Variants in MSRA observed in about 807,000 individuals in gnomAD.
MSRA encodes methionine sulfoxide reductase A.
In MSRA, 54 loss-of-function variants were observed where a neutral mutation model predicts 31.3. The observed-to-expected ratio is 1.73, with a 90% confidence interval of 1.39 to 2.17. The LOEUF (loss-of-function observed/expected upper bound fraction) is 2.17. Among genes scored for constraint, MSRA ranks in the 30% most tolerant of loss-of-function variants. The pLI, the probability that MSRA is intolerant of heterozygous loss-of-function variation, is 0.00. For missense variants in MSRA, 507 were observed against 300.9 expected, an observed-to-expected ratio of 1.69 and a Z score of -5.07; for synonymous variants, 169 against 116.5, an observed-to-expected ratio of 1.45 and a Z score of -2.90.
chr8:10,202,376 C>G (rs1808575446), intron 1 of MSRA, among the ~76,000 whole-genome samples: 1 of 152,176 alleles, frequency 6.6e-6, no homozygotes, highest in Non-Finnish European at 1.5e-5. Flanking sequence ...CAGATTTCCC[C>G]TTATTCTTTT....
chr8:10,332,451 T>TCACCCC (rs1802761404), intron 5 of MSRA, among the ~76,000 whole-genome samples: 1 of 146,512 alleles, frequency 6.8e-6, no homozygotes, highest in African/African-American at 2.5e-5. Context: ...AAAAGAAAAA[T>TCACCCC]CCCCCCTCCC....
At chr8:10,126,986 A>G (rs1459082921) in intron 1 of MSRA, among the ~76,000 whole-genome samples, 1 of 152,204 alleles carries the variant, frequency 6.6e-6, no homozygotes, top group Non-Finnish European at 1.5e-5. Flanking sequence ...CTGGTTCCCA[A>G]CAGGCCACAG....
chr8:10,202,737 A>C (rs1234423766), intron 1 of MSRA, among the ~76,000 whole-genome samples: 1 of 152,176 alleles, frequency 6.6e-6, no homozygotes, highest in Non-Finnish European at 1.5e-5. Context: ...TACCAGCCTA[A>C]CTGTTATATA....
chr8:10,139,823 A>C (rs1423827141), intron 1 of MSRA, among the ~76,000 whole-genome samples: 1 of 152,204 alleles, frequency 6.6e-6, no homozygotes, highest in Non-Finnish European at 1.5e-5. Flanking sequence ...AGTGATTGGC[A>C]CAGGTGTTGC....
chr8:10,301,471 A>C, intron 3 of MSRA, 63 bp from the exon 4 acceptor site: 1 of 1,327,124 alleles, frequency 7.5e-7, no homozygotes, highest in South Asian at 1.2e-5. Context: ...TTTTGTGAAC[A>C]AAAAACTTGC....
chr8:10,124,555 A>G (rs910620224), intron 1 of MSRA, among the ~76,000 whole-genome samples: 8 of 152,252 alleles, frequency 5.3e-5, no homozygotes, highest in African/African-American at 9.6e-5. Context: ...TCTTGCTCCT[A>G]TGATTCTACT....
At chr8:10,140,695 A>G (rs1048810210) in intron 1 of MSRA, among the ~76,000 whole-genome samples, 1 of 152,060 alleles carries the variant, frequency 6.6e-6, no homozygotes, top group African/African-American at 2.4e-5. Flanking sequence ...AGAAGTTACC[A>G]GTGCACAGGA....
chr8:10,214,191 G>T (rs1305879711), intron 2 of MSRA, among the ~76,000 whole-genome samples: 1 of 152,138 alleles, frequency 6.6e-6, no homozygotes, highest in Non-Finnish European at 1.5e-5. Context: ...GACAGCTAAG[G>T]TGCCGAGTGT....
rs1809327620 is a variant in MSRA at position 10,428,323 on chromosome 8, C to A, written c.*11C>A. On this transcript the variant is annotated 3_prime_UTR_variant, in exon 6 of 6. Coordinates refer to ENST00000317173, the MANE Select transcript of MSRA (RefSeq NM_012331.5). ...GGTATTAAAAAATAATTTCTCCCCACATGGTGGGCCTTTGAGGTTCCAGTA... is the reference window on the plus strand; with the variant it reads ...GGTATTAAAAAATAATTTCTCCCCAAATGGTGGGCCTTTGAGGTTCCAGTA... The A allele has an allele frequency of 6.2e-7, 1 of 1,611,078 alleles. No homozygotes were observed. The highest frequency in any genetic ancestry group is 8.5e-7 in the Non-Finnish European group (1 of 1,179,352).
chr8:10,225,770 G>T (rs1300432058), intron 2 of MSRA, among the ~76,000 whole-genome samples: 1 of 152,220 alleles, frequency 6.6e-6, no homozygotes, highest in Non-Finnish European at 1.5e-5. Flanking sequence ...CGGAGCCTCA[G>T]AGAGGAGGGA....
intron 5 of MSRA, chr8:10,337,530 T>A: frequency 1.7e-6 from 1 of 590,876 alleles, no homozygotes. Context: ...GCTACTAGGC[T>A]ACAGAAAGCA....
At chr8:10,355,159 C>T (rs1218341967) in intron 5 of MSRA, among the ~76,000 whole-genome samples, 2 of 152,226 alleles carry the variant, frequency 1.3e-5, no homozygotes, top group South Asian at 2.1e-4. Context: ...TACAACACTA[C>T]GATGCCCCCA....
At chr8:10,174,924 C>G (rs1280838371) in intron 1 of MSRA, among the ~76,000 whole-genome samples, 1 of 152,202 alleles carries the variant, frequency 6.6e-6, no homozygotes, top group African/African-American at 2.4e-5. Context: ...CTGCCTTCAG[C>G]TTCCCTTCAC....
intron 1 of MSRA, among the ~76,000 whole-genome samples, chr8:10,157,379 AT>A (rs1219269778): frequency 6.6e-6 from 1 of 152,170 alleles, no homozygotes; most frequent in Admixed American, 6.5e-5. Flanking sequence ...GTCTTATCAA[AT>A]ATAATCATTG....
At chr8:10,264,395 C>T (rs569886226) in intron 3 of MSRA, among the ~76,000 whole-genome samples, 24 of 152,332 alleles carry the variant, frequency 1.6e-4, no homozygotes, top group Admixed American at 3.9e-4. Flanking sequence ...TAAATGATTG[C>T]AAGATATATT....
At chr8:10,290,388 T>C (rs887675155) in intron 3 of MSRA, among the ~76,000 whole-genome samples, 1 of 152,174 alleles carries the variant, frequency 6.6e-6, no homozygotes, top group Admixed American at 6.5e-5. Context: ...CTATATAGTA[T>C]GCCATTTGGC....
At chr8:10,142,298 T>C (rs985638774) in intron 1 of MSRA, among the ~76,000 whole-genome samples, 4 of 152,160 alleles carry the variant, frequency 2.6e-5, no homozygotes, top group African/African-American at 9.7e-5. Flanking sequence ...GAAACTTCTC[T>C]AGGCCAACGA....
At chr8:10,196,471 AACTTTG>A (rs1807998230) in intron 1 of MSRA, among the ~76,000 whole-genome samples, 1 of 152,144 alleles carries the variant, frequency 6.6e-6, no homozygotes, top group Non-Finnish European at 1.5e-5. Context: ...GGAAGGAAAT[AACTTTG>A]CTGCTTCTGT....
At chr8:10,303,184 C>G (rs1026437597) in intron 4 of MSRA, among the ~76,000 whole-genome samples, 1 of 152,258 alleles carries the variant, frequency 6.6e-6, no homozygotes, top group African/African-American at 2.4e-5. Context: ...CAGGTCGGGT[C>G]TGTGTCCTTT....
Sources: gnomAD v4.1 joint callset for allele counts (sites outside exome capture counted in the v4.1 genomes callset) on GRCh38, gnomAD v4.1.1 for gene constraint, MANE v1.5 for transcripts, NCBI Gene and HGNC (gene_info 2026-07-23, HGNC 2026-07-21) for gene names.